The following GRID1 variants were observed in gnomAD, a reference collection of about 807,000 sequenced individuals.
The protein encoded by GRID1 is glutamate receptor ionotropic, delta-1.
Under a neutral mutation model 98.0 loss-of-function variants are expected in GRID1, and 28 were observed. The observed-to-expected ratio is 0.29, with a 90% CI of 0.21 to 0.39. The LOEUF (loss-of-function observed/expected upper bound fraction) is 0.39, where lower values mean the gene tolerates loss of function less well. GRID1 is among the 10% of genes least tolerant of loss of function. The probability of loss-of-function intolerance (pLI) is 1.00; values close to 1 mark genes in which losing one functional copy is unlikely to be tolerated. For synonymous variants in GRID1, 553 were observed against 538.5 expected, an observed-to-expected ratio of 1.03 and a Z score of -0.37; for missense variants, 1,111 against 1,340.5, an observed-to-expected ratio of 0.83 and a Z score of 2.67.
At chr10:86,150,342 T>C (rs1202388472) in intron 3 of GRID1, among the ~76,000 whole-genome samples, 3 of 152,174 alleles carry the variant, frequency 2.0e-5, no homozygotes, top group African/African-American at 7.2e-5. Context: ...AGGCTAACCA[T>C]ACCATGAAAG....
intron 8 of GRID1, among the ~76,000 whole-genome samples, chr10:85,814,646 A>G (rs1842700832): frequency 2.0e-5 from 3 of 152,042 alleles, no homozygotes; most frequent in South Asian, 2.1e-4. Context: ...ACGGAATACC[A>G]TTAATAATTC....
At chr10:85,723,228 C>T in intron 11 of GRID1, 87 bp from the exon 12 acceptor site, 1 of 1,311,054 alleles carries the variant, frequency 7.6e-7, no homozygotes, top group Non-Finnish European at 1.0e-6. Flanking sequence ...CAGCCAGGCA[C>T]ACAGGCCATC....
intron 12 of GRID1, among the ~76,000 whole-genome samples, chr10:85,652,709 G>A (rs539854236): frequency 1.3e-5 from 2 of 152,266 alleles, no homozygotes; most frequent in African/African-American, 4.8e-5. Flanking sequence ...AGGGCACCAT[G>A]ACCCACCCTG....
Position 85,723,140 on chromosome 10 carries a change from A to C in GRID1, c.1860T>G (p.Gly620=). The C allele has an allele frequency of 6.2e-7, 1 of 1,605,302 alleles. No individual in the cohort carries two copies. The highest frequency in any genetic ancestry group is 8.5e-7 in the Non-Finnish European group (1 of 1,175,568). ...CCATGGAGTTCACGGAAGATTCGCC[A>C]CCTGCGGGAGGCAGACAAAGTGGAT... is the stretch of plus-strand genomic sequence containing the variant. ...WIVYGAFVQQ[G]GESSVNSMAM... is the part of the protein sequence containing the mutation. Residue 620 remains glycine (G), a splice_region_variant and synonymous_variant, in exon 12 of 16, where the codon GGT becomes GGG. Transcript: ENST00000327946.
intron 2 of GRID1, among the ~76,000 whole-genome samples, chr10:86,291,440 C>T (rs1238646345): frequency 6.6e-6 from 1 of 152,126 alleles, no homozygotes; most frequent in African/African-American, 2.4e-5. Context: ...GTGAGAGGGA[C>T]TCCCCAACCC....
intron 4 of GRID1, among the ~76,000 whole-genome samples, chr10:85,987,334 C>A (rs1404031801): frequency 6.7e-6 from 1 of 148,374 alleles, no homozygotes; most frequent in Non-Finnish European, 1.5e-5. Context: ...ACTCTCACTT[C>A]TTCCCATAGC....
At chr10:86,333,421 C>T (rs1848177177) in intron 2 of GRID1, among the ~76,000 whole-genome samples, 1 of 152,220 alleles carries the variant, frequency 6.6e-6, no homozygotes, top group Non-Finnish European at 1.5e-5. Flanking sequence ...AGACTGGGAA[C>T]ATTTTGAGGA....
At chr10:86,165,654 T>C (rs533274732) in intron 3 of GRID1, among the ~76,000 whole-genome samples, 10 of 152,338 alleles carry the variant, frequency 6.6e-5, no homozygotes, top group African/African-American at 2.4e-4. Context: ...AGACTGGGCC[T>C]GGGGTTCTAA....
rs12253666 is a variant in GRID1 at position 85,916,480 on chromosome 10, C to G, written c.727-241G>C. ...TGCACCAGCCCAGAGCAAGATTAGA[C>G]GCTTGGGTTCCTGCAGGCAGCACAG... is the stretch of plus-strand genomic sequence containing the variant. On this transcript the variant is annotated intron_variant, in intron 4 of 15. Transcript: ENST00000327946. The surrounding 1 kb of genome is among the most constrained non-coding windows in gnomAD (Gnocchi z 4.0). Among the ~76,000 whole-genome samples the G allele has an allele frequency of 1.3e-5, 2 of 152,170 alleles. No homozygotes were observed. Among genetic ancestry groups the G allele is most frequent in the Admixed American group, 1.3e-4 (2 of 15,288 alleles).
At chr10:85,788,124 A>ACC (rs1842446720) in intron 8 of GRID1, among the ~76,000 whole-genome samples, 1 of 152,136 alleles carries the variant, frequency 6.6e-6, no homozygotes, top group Non-Finnish European at 1.5e-5. Context: ...AGAATGTCTG[A>ACC]CACACAGCAG....
At chr10:85,839,863 T>C (rs1173948056) in intron 8 of GRID1, among the ~76,000 whole-genome samples, 2 of 151,872 alleles carry the variant, frequency 1.3e-5, no homozygotes, top group Non-Finnish European at 2.9e-5. Context: ...AGACTGCCAG[T>C]TAGACAAATA....
intron 2 of GRID1, among the ~76,000 whole-genome samples, chr10:86,303,256 T>C (rs1468474428): frequency 6.6e-6 from 1 of 152,226 alleles, no homozygotes; most frequent in Non-Finnish European, 1.5e-5. Flanking sequence ...ATATGACAAA[T>C]GTTAACAATG....
intron 4 of GRID1, among the ~76,000 whole-genome samples, chr10:86,046,261 C>T (rs905192726): frequency 6.6e-6 from 1 of 152,204 alleles, no homozygotes; most frequent in Non-Finnish European, 1.5e-5. Flanking sequence ...ATATGACTCC[C>T]GAACTGCTCT....
In GRID1 at chr10:85,821,755, C is replaced by T. The variant is rs573835558; in HGVS notation, c.1233+32741G>A. Reference sequence around the variant, plus strand: ...TCAATCCTAAGCCAAAAGAACAAAGCTGGAGGCATCACGCTACCTGACTTC... The same window carrying T: ...TCAATCCTAAGCCAAAAGAACAAAGTTGGAGGCATCACGCTACCTGACTTC... On this transcript the variant is annotated intron_variant, in intron 8 of 15. Coordinates refer to ENST00000327946, the MANE Select transcript of GRID1 (RefSeq NM_017551.3). Among the ~76,000 whole-genome samples, 166 of 152,100 alleles carry T rather than the reference C, an allele frequency of 1.1e-3. 1 individual carries two copies. Among genetic ancestry groups the T allele is most frequent in the Non-Finnish European group, 1.6e-3 (108 of 67,994 alleles).
intron 4 of GRID1, among the ~76,000 whole-genome samples, chr10:86,046,892 CAGAG>C (rs1843432667): frequency 6.7e-6 from 1 of 148,564 alleles, no homozygotes; most frequent in Admixed American, 6.7e-5. Flanking sequence ...GACAGAGACT[CAGAG>C]AGATCAAACG....
In GRID1 at chr10:86,267,255, C is replaced by T. The variant is rs372391008; in HGVS notation, c.236-60607G>A. Reference sequence around the variant, plus strand: ...AAAAGGGCAGCTTGCAGCTGAAAGTCATGTAGCCATCAATGGGCAGAGCCA... The same window carrying T: ...AAAAGGGCAGCTTGCAGCTGAAAGTTATGTAGCCATCAATGGGCAGAGCCA... On this transcript the variant is annotated intron_variant, in intron 2 of 15. Coordinates refer to ENST00000327946, the MANE Select transcript of GRID1 (RefSeq NM_017551.3). Among the ~76,000 whole-genome samples, 14 of 152,354 alleles carry T rather than the reference C, an allele frequency of 9.2e-5. 1 individual carries two copies. The South Asian group carries it at 2.9e-3, about 32-fold the overall frequency.
intron 15 of GRID1, among the ~76,000 whole-genome samples, chr10:85,603,792 A>G (rs1842616924): frequency 6.6e-6 from 1 of 152,170 alleles, no homozygotes; most frequent in Admixed American, 6.5e-5. Flanking sequence ...TCAAACTCCT[A>G]GAGAAATACA....
At chr10:86,156,983 G>A (rs1479050958) in intron 3 of GRID1, among the ~76,000 whole-genome samples, 1 of 152,210 alleles carries the variant, frequency 6.6e-6, no homozygotes, top group African/African-American at 2.4e-5. Context: ...GGATGAAGGA[G>A]AAGAGGCACT....
intron 12 of GRID1, among the ~76,000 whole-genome samples, chr10:85,705,026 T>C (rs143727762): frequency 0.033 from 4,958 of 152,276 alleles, 125 homozygotes; most frequent in Middle Eastern, 0.048. Context: ...AGGAAAGATC[T>C]AAAATTGACA....
Sources: allele counts gnomAD v4.1 joint callset (sites outside exome capture counted in the v4.1 genomes callset), GRCh38; gene constraint gnomAD v4.1.1; non-coding constraint Gnocchi (gnomAD v3.1); transcripts MANE v1.5; gene names NCBI Gene and HGNC (gene_info 2026-07-23, HGNC 2026-07-21).